The following SLC20A2 variants were observed in gnomAD, a reference collection of about 807,000 sequenced individuals.
SLC20A2 encodes the protein sodium-dependent phosphate transporter 2.
SLC20A2 carries 30 observed loss-of-function variants against 61.0 expected under a neutral mutation model. That is an observed-to-expected ratio of 0.49 (90% CI 0.37 to 0.67). The LOEUF (loss-of-function observed/expected upper bound fraction) is 0.67. SLC20A2 is among the 30% of genes least tolerant of loss of function. SLC20A2 has a pLI of 0.00. For synonymous variants in SLC20A2, 351 were observed against 353.3 expected (o/e 0.99, Z 0.07); for missense variants, 626 against 866.4 (o/e 0.72, Z 3.48).
chr8:42,478,947 C>T (rs1000327684), intron 1 of SLC20A2, among the ~76,000 whole-genome samples: 9 of 151,872 alleles, frequency 5.9e-5, no homozygotes, highest in African/African-American at 2.2e-4. Flanking sequence ...CACAGAAAAC[C>T]CAGCCAGTTC....
At chr8:42,527,660 C>T (rs944987150) in intron 1 of SLC20A2, among the ~76,000 whole-genome samples, 1 of 151,202 alleles carries the variant, frequency 6.6e-6, no homozygotes, top group East Asian at 2.0e-4. Context: ...CCCAGCTACT[C>T]GGGAGGCTGA....
chr8:42,475,312 C>A (rs912663052), intron 1 of SLC20A2, among the ~76,000 whole-genome samples: 2 of 151,906 alleles, frequency 1.3e-5, no homozygotes, highest in Non-Finnish European at 2.9e-5. Context: ...GCTGCCCAGG[C>A]TGGTCTCAAA....
At chr8:42,447,710 G>C (rs1241772680) in intron 5 of SLC20A2, among the ~76,000 whole-genome samples, 1 of 152,164 alleles carries the variant, frequency 6.6e-6, no homozygotes, top group Non-Finnish European at 1.5e-5. Context: ...ATAATTGTAA[G>C]AGATAGTATG....
intron 1 of SLC20A2, among the ~76,000 whole-genome samples, chr8:42,530,158 ATT>A (rs1812231311): frequency 6.6e-6 from 1 of 152,180 alleles, no homozygotes; most frequent in Non-Finnish European, 1.5e-5. Flanking sequence ...ACCCAACCTA[ATT>A]TATCAGATGG....
intron 1 of SLC20A2, among the ~76,000 whole-genome samples, chr8:42,506,504 C>CCCAAA (rs1810720483): frequency 6.6e-6 from 1 of 152,224 alleles, no homozygotes; most frequent in East Asian, 1.9e-4. Context: ...CAGTATGGTA[C>CCCAAA]TTGCTGAAGG....
At position 42,472,287 on chromosome 8, in the gene SLC20A2, G is replaced by A; in HGVS notation, c.104C>T (p.Thr35Ile). ...GGTCACCACACCAGAGCCCACGGCT[G>A]TACCAAAGGAGTTGGCAACATCGTT... is the stretch of plus-strand genomic sequence containing the variant. ...GANDVANSFG[T>I]AVGSGVVTLR... Residue 35 changes from threonine to isoleucine, a missense_variant, in exon 2 of 11, where the codon ACA becomes ATA. Thr to Ile is a moderately conservative substitution (Grantham distance 89). Around this residue, in one of 3 missense-constraint regions of SLC20A2, gnomAD observed 127 missense variants for 215.4 expected, o/e 0.59. Transcript: ENST00000520262. This position sits in a 1 kb window ranked among gnomAD's most constrained non-coding sequence, Gnocchi z 4.1. The A allele has an allele frequency of 6.2e-7, 1 of 1,614,194 alleles. No homozygotes were observed. Among genetic ancestry groups the A allele is most frequent in the African/African-American group, 1.3e-5 (1 of 75,048 alleles).
chr8:42,524,810 T>TAAAA (rs1336153027), intron 1 of SLC20A2, among the ~76,000 whole-genome samples: 9 of 127,006 alleles, frequency 7.1e-5, no homozygotes, highest in African/African-American at 9.0e-5. Context: ...AATAAATAAA[T>TAAAA]AAAAATAAAA....
chr8:42,447,713 A>G (rs1300967129), intron 5 of SLC20A2, among the ~76,000 whole-genome samples: 1 of 152,206 alleles, frequency 6.6e-6, no homozygotes, highest in African/African-American at 2.4e-5. Context: ...ATTGTAAGAG[A>G]TAGTATGAAT....
intron 1 of SLC20A2, among the ~76,000 whole-genome samples, chr8:42,521,359 A>C (rs1388743876): frequency 8.2e-6 from 1 of 121,270 alleles, no homozygotes; most frequent in African/African-American, 2.5e-5. Context: ...AGCCAATCTC[A>C]AAAGGTTACA....
intron 5 of SLC20A2, among the ~76,000 whole-genome samples, chr8:42,455,387 G>A (rs986588445): frequency 1.3e-5 from 2 of 151,634 alleles, no homozygotes; most frequent in Non-Finnish European, 1.5e-5. Context: ...GAGGCTGGGC[G>A]CGGTGGCTCA....
chr8:42,455,257 T>TATATATATATAGAGAG (rs1357416749), intron 5 of SLC20A2, among the ~76,000 whole-genome samples: 3 of 81,622 alleles, frequency 3.7e-5, no homozygotes, highest in African/African-American at 1.3e-4. Flanking sequence ...TATATATATA[T>TATATATATATAGAGAG]AGAGAGAGAG....
At chr8:42,428,349 C>A (rs1031050935) in intron 10 of SLC20A2, among the ~76,000 whole-genome samples, 1 of 152,228 alleles carries the variant, frequency 6.6e-6, no homozygotes, top group African/African-American at 2.4e-5. Flanking sequence ...CCTACAATTC[C>A]AGAGATGATT....
intron 1 of SLC20A2, among the ~76,000 whole-genome samples, chr8:42,496,102 T>G (rs942571476): frequency 2.0e-5 from 3 of 152,212 alleles, no homozygotes; most frequent in Non-Finnish European, 4.4e-5. Flanking sequence ...CTGGCTAAGG[T>G]AGGGCGGGTC....
intron 1 of SLC20A2, among the ~76,000 whole-genome samples, chr8:42,524,142 T>C (rs942197506): frequency 6.6e-6 from 1 of 152,224 alleles, no homozygotes; most frequent in Non-Finnish European, 1.5e-5. Context: ...CAAGGAACTG[T>C]ATTTTCACTA....
intron 3 of SLC20A2, among the ~76,000 whole-genome samples, chr8:42,464,053 T>C (rs79972711): frequency 5.7e-4 from 84 of 148,158 alleles, no homozygotes; most frequent in Non-Finnish European, 1.0e-3. Context: ...GAGAGGACAG[T>C]TGACAGAGTG....
chr8:42,465,640 G>A (rs969452269), intron 3 of SLC20A2, 137 bp downstream of exon 3: 53 of 761,802 alleles, frequency 7.0e-5, no homozygotes, highest in South Asian at 1.3e-4. Context: ...GCAGTGAGCC[G>A]AGATTGCACC....
intron 1 of SLC20A2, among the ~76,000 whole-genome samples, chr8:42,477,760 T>C (rs370484770): frequency 6.6e-5 from 10 of 150,516 alleles, no homozygotes; most frequent in African/African-American, 2.4e-4. Flanking sequence ...CATGAGCCAC[T>C]GCACCTGGCC....
chr8:42,457,063 A>G (rs919338246), intron 5 of SLC20A2, among the ~76,000 whole-genome samples: 2 of 151,886 alleles, frequency 1.3e-5, no homozygotes, highest in Non-Finnish European at 2.9e-5. Flanking sequence ...AGCTGGGATT[A>G]CAGGTGCCCG....
intron 8 of SLC20A2, among the ~76,000 whole-genome samples, chr8:42,433,819 G>A (rs1007688141): frequency 6.6e-6 from 1 of 152,212 alleles, no homozygotes; most frequent in African/African-American, 2.4e-5. Context: ...CTTTGAACAT[G>A]TGGTACAAAT....
Sources: allele counts gnomAD v4.1 joint callset (sites outside exome capture counted in the v4.1 genomes callset), GRCh38; gene constraint gnomAD v4.1.1; regional missense constraint gnomAD v4.1.1; non-coding constraint Gnocchi (gnomAD v3.1); transcripts MANE v1.5; gene names NCBI Gene and HGNC (gene_info 2026-07-23, HGNC 2026-07-21).